DLG1: variants seen among roughly 807,000 people sequenced by gnomAD.
DLG1 encodes disks large homolog 1.
A neutral mutation model predicts 123.4 loss-of-function variants in DLG1; 42 were observed. The ratio of observed to expected loss-of-function variants is 0.34; its 90% confidence interval spans 0.27 to 0.44. DLG1 has a LOEUF of 0.44. Among genes scored for constraint, DLG1 ranks in the 20% least tolerant of loss-of-function variants. The probability of loss-of-function intolerance (pLI) is 1.00; values close to 1 mark genes in which losing one functional copy is unlikely to be tolerated. For synonymous variants in DLG1, 317 were observed against 356.2 expected, an observed-to-expected ratio of 0.89 and a Z score of 1.24; for missense variants, 942 against 1,082.6, an observed-to-expected ratio of 0.87 and a Z score of 1.82.
upstream of DLG1, chr3:197,298,627 G>T: frequency 5.0e-6 from 1 of 198,216 alleles, no homozygotes; most frequent in Non-Finnish European, 1.0e-5. Context: ...CCCCACCGGG[G>T]AAAAGCCGCC....
intron 4 of DLG1, among the ~76,000 whole-genome samples, chr3:197,239,011 G>A (rs1747467775): frequency 6.6e-6 from 1 of 151,978 alleles, no homozygotes; most frequent in African/African-American, 2.4e-5. Context: ...ATAGAGAACA[G>A]AGAAACAGAA....
intron 24 of DLG1, among the ~76,000 whole-genome samples, 183 bp downstream of exon 24, chr3:197,051,394 T>C (rs976580786): frequency 7.2e-5 from 11 of 152,028 alleles, no homozygotes; most frequent in African/African-American, 1.5e-4. Context: ...TGCACTCCGC[T>C]TGGGTGACAG....
chr3:197,297,429 CCAAATTAAGAA>C, intron 1 of DLG1, 194 bp from the exon 2 acceptor site: 1 of 1,405,924 alleles, frequency 7.1e-7, no homozygotes, highest in Non-Finnish European at 9.2e-7. Context: ...GGGTACCCCT[CCAAATTAAGAA>C]CAGACAGAAG....
intron 5 of DLG1, among the ~76,000 whole-genome samples, chr3:197,172,924 T>C (rs1001666298): frequency 6.6e-6 from 1 of 152,218 alleles, no homozygotes; most frequent in African/African-American, 2.4e-5. Context: ...CATTAGGAAG[T>C]ACAACTTCTT....
At chr3:197,298,226 C>A in intron 1 of DLG1, 1 of 326,904 alleles carries the variant, frequency 3.1e-6, no homozygotes, top group Non-Finnish European at 5.5e-6. Context: ...GGGCTCCCCG[C>A]GCTGCTACCT....
In DLG1 at chr3:197,180,067, TGGGG is replaced by T. The variant is rs60631930; in HGVS notation, c.483+14354_483+14357del. 1.9e-4 allele frequency among the ~76,000 whole-genome samples: 17 copies of T among 87,866 alleles called. 1 individual carries two copies. The highest frequency in any genetic ancestry group is 6.4e-4 in the African/African-American group (16 of 24,900). 57.6% of individuals were successfully genotyped at this position (87,866 alleles called of 152,430 possible). A position where few individuals can be genotyped will look rare whatever the true frequency, so the allele number is the denominator to read the frequency against. On this transcript the variant is annotated intron_variant, in intron 5 of 24. Transcript: ENST00000667157. ...AATTTGGCATGTTGTGTTTTTTTTT[TGGGG>T]GGGGGGGGGCTTTTTGAGTATTTAT...
At position 197,207,976 on chromosome 3, in the gene DLG1, G is replaced by GA. The variant is rs1451944572; in HGVS notation, c.319-13388dup. ...TAGAAGTCAAAACGTTAAAAAATAC[G>GA]AAAAAAAATTGTAACTTAAATCCAA... On this transcript the variant is annotated intron_variant, in intron 4 of 24. Coordinates refer to ENST00000667157, the MANE Select transcript of DLG1 (RefSeq NM_001366207.1). 7.7e-5 allele frequency among the ~76,000 whole-genome samples: 11 copies of GA among 142,846 alleles called. 1 individual carries two copies. The highest frequency in any genetic ancestry group is 5.4e-4 in the South Asian group (2 of 3,724). 93.7% of individuals were successfully genotyped at this position (142,846 alleles called of 152,430 possible).
chr3:197,175,799 A>G (rs1488735203), intron 5 of DLG1, among the ~76,000 whole-genome samples: 1 of 152,170 alleles, frequency 6.6e-6, no homozygotes, highest in Non-Finnish European at 1.5e-5. Context: ...ACTGAATTAG[A>G]GTCGTGATAA....
intron 24 of DLG1, among the ~76,000 whole-genome samples, chr3:197,049,697 G>A (rs1193121621): frequency 9.9e-5 from 15 of 152,106 alleles, no homozygotes; most frequent in Admixed American, 3.9e-4. Context: ...GGTGAGCTGA[G>A]ATCATGCCAT....
At chr3:197,273,684 A>C (rs1047986988) in intron 4 of DLG1, among the ~76,000 whole-genome samples, 5 of 152,102 alleles carry the variant, frequency 3.3e-5, no homozygotes, top group African/African-American at 1.2e-4. Flanking sequence ...CCTCCCAATA[A>C]GATAAACACT....
In DLG1 at chr3:197,263,518, A is replaced by G. The variant is rs188632710; in HGVS notation, c.318+19161T>C. On this transcript the variant is annotated intron_variant, in intron 4 of 24. Coordinates refer to ENST00000667157, the MANE Select transcript of DLG1 (RefSeq NM_001366207.1). ...AATGTCTCATGAGGCTGGGCATGGT[A>G]GCTCACACCTGTAATCCCAGCACTT... Among the ~76,000 whole-genome samples the G allele has an allele frequency of 2.3e-3, 349 of 152,276 alleles. 5 individuals are homozygous for G. The highest frequency in any genetic ancestry group is 3.6e-3 in the Admixed American group (55 of 15,300).
intron 13 of DLG1, 76 bp downstream of exon 13, chr3:197,115,851 A>C: frequency 6.8e-7 from 1 of 1,462,426 alleles, no homozygotes; most frequent in South Asian, 1.3e-5. Context: ...TTAGGATATA[A>C]AAAAACAGAA....
At chr3:197,228,505 C>T (rs900770847) in intron 4 of DLG1, among the ~76,000 whole-genome samples, 11 of 152,116 alleles carry the variant, frequency 7.2e-5, no homozygotes, top group African/African-American at 2.4e-4. Context: ...TAGGAATTAA[C>T]CAGTGTTTCT....
At chr3:197,188,467 T>C (rs1410336293) in intron 5 of DLG1, among the ~76,000 whole-genome samples, 6 of 152,258 alleles carry the variant, frequency 3.9e-5, no homozygotes, top group South Asian at 2.1e-4. Context: ...TAAATGCATG[T>C]ATTGCTTGAC....
intron 20 of DLG1, among the ~76,000 whole-genome samples, chr3:197,066,445 T>C (rs1342594514): frequency 2.6e-5 from 4 of 152,180 alleles, no homozygotes; most frequent in South Asian, 2.1e-4. Flanking sequence ...ATTTGGAAGA[T>C]AGTGATGCTA....
intron 5 of DLG1, among the ~76,000 whole-genome samples, chr3:197,171,690 A>C (rs143676180): frequency 6.6e-6 from 1 of 152,318 alleles, no homozygotes; most frequent in African/African-American, 2.4e-5. Flanking sequence ...ACAGTATTCT[A>C]TCAGCATTCA....
In DLG1 at chr3:197,135,517, C is replaced by T. The variant is rs563245323; in HGVS notation, c.1020+1025G>A. On this transcript the variant is annotated intron_variant, in intron 10 of 24. Coordinates refer to ENST00000667157, the MANE Select transcript of DLG1 (RefSeq NM_001366207.1). ...CCTGAGTCTGGTGAGTCAATTAAAC[C>T]GCTTTCCTTTATAAATTACCCAGTC... Among the ~76,000 whole-genome samples the T allele has an allele frequency of 3.9e-5, 6 of 152,248 alleles. No homozygotes were observed. The East Asian group carries it at 5.8e-4, about 15-fold the overall frequency.
rs910121838 is a variant in DLG1 at position 197,237,341 on chromosome 3, C to G, written c.319-42752G>C. The stretch of plus-strand genomic sequence containing the variant: ...ACCTCAGACTATCCCAGGATTTCAG[C>G]TGAAGAAATGAGCAACCCAGAAACG... On this transcript the variant is annotated intron_variant, in intron 4 of 24. Coordinates refer to ENST00000667157, the MANE Select transcript of DLG1 (RefSeq NM_001366207.1). Among the ~76,000 whole-genome samples the G allele has an allele frequency of 4.6e-5, 7 of 152,290 alleles. No homozygotes were observed. The East Asian group carries it at 1.2e-3, about 25-fold the overall frequency.
rs3220778 is a variant in DLG1 at position 197,291,340 on chromosome 3, C to CACAG, written c.151+5005_151+5006insCTGT. Among the ~76,000 whole-genome samples the CACAG allele has an allele frequency of 2.5e-4, 36 of 146,604 alleles. 1 individual carries two copies. Among genetic ancestry groups the CACAG allele is most frequent in the South Asian group, 6.5e-4 (3 of 4,594 alleles). ...ACACACACACACACACACACACACA[C>CACAG]AGTTAGCAAGAGACTAAAATGTAAC... On this transcript the variant is annotated intron_variant, in intron 3 of 24. Coordinates refer to ENST00000667157, the MANE Select transcript of DLG1 (RefSeq NM_001366207.1).
Sources: allele counts gnomAD v4.1 joint callset (sites outside exome capture counted in the v4.1 genomes callset), GRCh38; gene constraint gnomAD v4.1.1; transcripts MANE v1.5; gene names NCBI Gene and HGNC (gene_info 2026-07-23, HGNC 2026-07-21).